ARHGAP35: variants seen among roughly 807,000 people sequenced by gnomAD.
ARHGAP35 encodes rho GTPase-activating protein 35.
In ARHGAP35, 15 loss-of-function variants were observed where a neutral mutation model predicts 111.1. The ratio of observed to expected loss-of-function variants is 0.13; its 90% CI spans 0.09 to 0.21. The LOEUF is 0.21. ARHGAP35 is among the 10% of genes least tolerant of loss of function. The pLI is 1.00. For missense variants in ARHGAP35, 1,262 were observed against 1,873.0 expected, an observed-to-expected ratio of 0.67 and a Z score of 6.02; for synonymous variants, 643 against 710.3, an observed-to-expected ratio of 0.91 and a Z score of 1.51.
At chr19:46,959,664 T>C (rs937569511) in intron 3 of ARHGAP35, among the ~76,000 whole-genome samples, 3 of 152,256 alleles carry the variant, frequency 2.0e-5, no homozygotes, top group Non-Finnish European at 4.4e-5. Flanking sequence ...CCTCCCAAAG[T>C]GCTGGGATTA....
chr19:46,909,346 C>T lies in ARHGAP35; in HGVS notation c.-188-9142C>T, dbSNP rs143593227. 3.9e-4 allele frequency among the ~76,000 whole-genome samples: 59 copies of T among 152,240 alleles called. No individual in the cohort carries two copies. In the East Asian group the frequency reaches 9.2e-3, roughly 24 times the overall value. On this transcript the variant is annotated intron_variant, in intron 1 of 6. Coordinates refer to ENST00000672722, the MANE Select transcript of ARHGAP35 (RefSeq NM_004491.5). ...ACTTTAGGCCAGATTATTTTCAAAA[C>T]AGGCATGCGAGTTACTAGCCCTTGA...
intron 2 of ARHGAP35, among the ~76,000 whole-genome samples, chr19:46,929,725 C>T (rs765696767): frequency 4.7e-5 from 7 of 147,806 alleles, no homozygotes; most frequent in Non-Finnish European, 1.0e-4. Flanking sequence ...ACCAGCCTGA[C>T]AAACATGGAG....
chr19:46,993,256 C>T lies in ARHGAP35; in HGVS notation c.4036+3581C>T, dbSNP rs545003585. Among the ~76,000 whole-genome samples the T allele has an allele frequency of 4.6e-5, 7 of 152,232 alleles. No homozygotes were observed. Among genetic ancestry groups the T allele is most frequent in the African/African-American group, 7.2e-5 (3 of 41,460 alleles). On this transcript the variant is annotated intron_variant, in intron 5 of 6. Transcript: ENST00000672722. The surrounding 1 kb of genome is among the most constrained non-coding windows in gnomAD (Gnocchi z 4.6). ...GGAGAGCCGACGCCGGACGAGCCTG[C>T]GTGATCACTGAAGGGCTGTGACCTT...
At chr19:46,917,436 C>T (rs1599815456) in intron 1 of ARHGAP35, among the ~76,000 whole-genome samples, 2 of 152,032 alleles carry the variant, frequency 1.3e-5, no homozygotes, top group African/African-American at 2.4e-5. Context: ...GGTGAAACCT[C>T]GTCTCTACTA....
chr19:46,982,140 GCC>G (rs1365073985), intron 3 of ARHGAP35, among the ~76,000 whole-genome samples: 1 of 149,418 alleles, frequency 6.7e-6, no homozygotes, highest in Admixed American at 6.7e-5. Context: ...GAACCATCAC[GCC>G]TGCCCTGCCA....
chr19:46,938,861 T>C (rs893307974), intron 3 of ARHGAP35, among the ~76,000 whole-genome samples: 3 of 151,750 alleles, frequency 2.0e-5, no homozygotes, highest in Non-Finnish European at 4.4e-5. Flanking sequence ...TTTCACCACA[T>C]TGGTCAGGCT....
chr19:46,863,359 CTCTGGAG>C (rs1473382146), intron 1 of ARHGAP35, among the ~76,000 whole-genome samples: 1 of 152,176 alleles, frequency 6.6e-6, no homozygotes, highest in Non-Finnish European at 1.5e-5. Context: ...TGTTACTACT[CTCTGGAG>C]TCTGGGAGTG....
At chr19:46,905,873 A>G (rs995377550) in intron 1 of ARHGAP35, among the ~76,000 whole-genome samples, 6 of 150,938 alleles carry the variant, frequency 4.0e-5, no homozygotes, top group African/African-American at 1.5e-4. Context: ...TTTAGTAGAG[A>G]TGGGGTTTCA....
At chr19:46,884,533 GTCTCT>G (rs1568460434) in intron 1 of ARHGAP35, among the ~76,000 whole-genome samples, 2 of 138,436 alleles carry the variant, frequency 1.4e-5, no homozygotes, top group African/African-American at 2.7e-5. Context: ...TTGAGATAGG[GTCTCT>G]TGTCCAGACT....
intron 1 of ARHGAP35, among the ~76,000 whole-genome samples, chr19:46,888,261 A>AATATATATATAT (rs1175667788): frequency 1.1e-4 from 2 of 18,998 alleles, no homozygotes; most frequent in South Asian, 2.0e-3. Context: ...CTCAATCAAT[A>AATATATATATAT]ATATATATAT....
intron 2 of ARHGAP35, among the ~76,000 whole-genome samples, chr19:46,930,517 TG>T (rs1442564292): frequency 1.4e-5 from 2 of 147,266 alleles, no homozygotes; most frequent in African/African-American, 5.1e-5. Flanking sequence ...GGCTGGGTTC[TG>T]TTTTTTATTT....
In ARHGAP35 at chr19:46,932,676, C is replaced by T. The variant is rs117570083; in HGVS notation, c.3682-4588C>T. Among the ~76,000 whole-genome samples the T allele has an allele frequency of 8.3e-4, 126 of 152,290 alleles. 4 individuals are homozygous for T. In the East Asian group the frequency reaches 0.023, roughly 28 times the overall value. On this transcript the variant is annotated intron_variant, in intron 2 of 6. Coordinates refer to ENST00000672722, the MANE Select transcript of ARHGAP35 (RefSeq NM_004491.5). Reference sequence around the variant, plus strand: ...TTTAGAATTCATTTTGCAAGAGTTCCAATTTTGTGACACCCTAGAGAGCCT... The same window carrying T: ...TTTAGAATTCATTTTGCAAGAGTTCTAATTTTGTGACACCCTAGAGAGCCT...
rs2056649191 is a variant in ARHGAP35 at position 46,986,233 on chromosome 19, G to A, written c.3827-1756G>A. On this transcript the variant is annotated intron_variant, in intron 3 of 6. Transcript: ENST00000672722. The surrounding 1 kb of genome is among the most constrained non-coding windows in gnomAD (Gnocchi z 4.3). Reference sequence around the variant, plus strand: ...TGGCTCACAGTGGACTTCGTTCCCAGGACAGGGTGAGTGGACTCAGTAGAC... The same window carrying A: ...TGGCTCACAGTGGACTTCGTTCCCAAGACAGGGTGAGTGGACTCAGTAGAC... 6.6e-6 allele frequency among the ~76,000 whole-genome samples: 1 copy of A among 152,152 alleles called. No individual in the cohort carries two copies.
chr19:46,928,752 C>T (rs1371452225), intron 2 of ARHGAP35, among the ~76,000 whole-genome samples: 9 of 151,792 alleles, frequency 5.9e-5, no homozygotes, highest in African/African-American at 2.2e-4. Flanking sequence ...GCCAACATGG[C>T]GAAACCCCGT....
intron 1 of ARHGAP35, among the ~76,000 whole-genome samples, chr19:46,867,019 C>G (rs2055861493): frequency 6.6e-6 from 1 of 152,134 alleles, no homozygotes; most frequent in South Asian, 2.1e-4. Flanking sequence ...AACTTTTGAT[C>G]CAGTGCTTTA....
intron 3 of ARHGAP35, among the ~76,000 whole-genome samples, chr19:46,983,187 C>G (rs2056630525): frequency 6.6e-6 from 1 of 151,738 alleles, no homozygotes; most frequent in Non-Finnish European, 1.5e-5. Context: ...TGCATGCTCA[C>G]TCTTGAGAAA....
rs756870166 is a variant in ARHGAP35, at chr19:47,000,616, G to A, written c.4428G>A (p.Ser1476=). The change falls in exon 7 of 7, where the codon TCG becomes TCA. Residue 1476 remains serine (S), a synonymous_variant. Coordinates refer to ENST00000672722, the MANE Select transcript of ARHGAP35 (RefSeq NM_004491.5). This position sits in a 1 kb window ranked among gnomAD's most constrained non-coding sequence, Gnocchi z 6.9. ...CAAGTCAGCCGTCGCCCCCACAGTC[G>A]CCTCCACCCACCCCCCAGTCCCCAA... ...PVTSQPSPPQ[S]PPPTPQSPMQ... 86 of 1,607,344 alleles carry A rather than the reference G, an allele frequency of 5.4e-5. 1 individual carries two copies. Among genetic ancestry groups the A allele is most frequent in the Middle Eastern group, 1.6e-4 (1 of 6,068 alleles).
intron 1 of ARHGAP35, among the ~76,000 whole-genome samples, chr19:46,872,969 C>T (rs1205906215): frequency 6.6e-6 from 1 of 151,936 alleles, no homozygotes; most frequent in East Asian, 1.9e-4. Flanking sequence ...AAAATGTTAT[C>T]TCATTTTCTC....
At chr19:46,952,669 T>C (rs892963100) in intron 3 of ARHGAP35, among the ~76,000 whole-genome samples, 1 of 152,142 alleles carries the variant, frequency 6.6e-6, no homozygotes, top group African/African-American at 2.4e-5. Context: ...TTTTGTTTTG[T>C]TGTGTTGTGT....
Sources: gnomAD v4.1 joint callset for allele counts (sites outside exome capture counted in the v4.1 genomes callset) on GRCh38, gnomAD v4.1.1 for gene constraint, Gnocchi (gnomAD v3.1) non-coding constraint, MANE v1.5 for transcripts, NCBI Gene and HGNC (gene_info 2026-07-23, HGNC 2026-07-21) for gene names.